Variants in ROBO1 observed in about 807,000 individuals in gnomAD.
The protein encoded by ROBO1 is roundabout homolog 1.
ROBO1 carries 149 observed loss-of-function variants against 195.9 expected under a neutral mutation model. The ratio of observed to expected loss-of-function variants is 0.76; its 90% CI spans 0.67 to 0.87. The LOEUF is 0.87. ROBO1 is among the 40% of genes least tolerant of loss of function. The pLI is 0.00. For missense variants in ROBO1, 1,933 were observed against 2,068.3 expected (o/e 0.93, Z 1.27); for synonymous variants, 816 against 733.2 (o/e 1.11, Z -1.82).
intron 2 of ROBO1, among the ~76,000 whole-genome samples, chr3:79,381,056 C>T (rs1230858447): frequency 1.3e-5 from 2 of 152,092 alleles, no homozygotes; most frequent in Non-Finnish European, 2.9e-5. Context: ...TGACTCTAGA[C>T]TTTGGTAAAA....
At chr3:78,882,771 A>G (rs1576339403) in intron 4 of ROBO1, among the ~76,000 whole-genome samples, 2 of 148,148 alleles carry the variant, frequency 1.3e-5, no homozygotes, top group Non-Finnish European at 3.0e-5. Context: ...AATATTTCTT[A>G]GCTCCTTTAC....
At chr3:79,708,053 A>G (rs1179061415) in intron 1 of ROBO1, among the ~76,000 whole-genome samples, 1 of 152,140 alleles carries the variant, frequency 6.6e-6, no homozygotes, top group Non-Finnish European at 1.5e-5. Flanking sequence ...AAGAGTTAAG[A>G]ATATGCCACC....
chr3:78,752,158 C>T (rs917348728), intron 4 of ROBO1, among the ~76,000 whole-genome samples: 1 of 145,732 alleles, frequency 6.9e-6, no homozygotes, highest in Non-Finnish European at 1.5e-5. Context: ...AAAATTATTA[C>T]TCACATACAT....
At chr3:79,361,217 T>A (rs940220249) in intron 2 of ROBO1, among the ~76,000 whole-genome samples, 1 of 152,044 alleles carries the variant, frequency 6.6e-6, no homozygotes, top group African/African-American at 2.4e-5. Flanking sequence ...TAAATCTTAA[T>A]GTGTGGGGTA....
chr3:78,839,412 T>C (rs2033008726), intron 4 of ROBO1, among the ~76,000 whole-genome samples: 1 of 149,540 alleles, frequency 6.7e-6, no homozygotes, highest in South Asian at 2.2e-4. Flanking sequence ...AATATTCTTT[T>C]TTTCATTACT....
intron 2 of ROBO1, among the ~76,000 whole-genome samples, chr3:79,555,380 T>C (rs1304627083): frequency 1.3e-5 from 2 of 152,104 alleles, no homozygotes; most frequent in Non-Finnish European, 2.9e-5. Context: ...AAGCATATGA[T>C]TAATTAGAAT....
At chr3:79,127,837 G>A (rs1213158254) in intron 2 of ROBO1, among the ~76,000 whole-genome samples, 2 of 152,076 alleles carry the variant, frequency 1.3e-5, no homozygotes, top group South Asian at 4.1e-4. Flanking sequence ...CACCTTTCTG[G>A]CCCCTTCTTA....
intron 2 of ROBO1, among the ~76,000 whole-genome samples, chr3:79,254,723 G>A (rs886148598): frequency 4.6e-5 from 7 of 152,034 alleles, no homozygotes; most frequent in South Asian, 2.1e-4. Context: ...ATGTAACCTC[G>A]GGAAGTCTCT....
intron 2 of ROBO1, among the ~76,000 whole-genome samples, chr3:79,215,170 TG>T (rs142883325): frequency 0.012 from 1,787 of 152,164 alleles, 36 homozygotes; most frequent in African/African-American, 0.039. Context: ...GAGTCTTTCT[TG>T]GAACAAGGAT....
Position 79,465,336 on chromosome 3 carries a change from T to G in ROBO1, c.88+124488A>C, listed in dbSNP as rs1001873386. ...AGAACTATCGCAAAAAAGATCCCCT[T>G]AAGCATTGTCATTTATCTCTTCCAA... On this transcript the variant is annotated intron_variant, in intron 2 of 30. Coordinates refer to ENST00000464233, the MANE Select transcript of ROBO1 (RefSeq NM_002941.4). 2.0e-5 allele frequency among the ~76,000 whole-genome samples: 3 copies of G among 152,152 alleles called. No homozygotes were observed. In the South Asian group the frequency reaches 6.2e-4, roughly 31 times the overall value.
At chr3:79,465,337 A>T (rs2107286825) in intron 2 of ROBO1, among the ~76,000 whole-genome samples, 1 of 152,246 alleles carries the variant, frequency 6.6e-6, no homozygotes, top group East Asian at 1.9e-4. Flanking sequence ...AGATCCCCTT[A>T]AGCATTGTCA....
chr3:78,625,175 T>TGGA (rs577415755), intron 26 of ROBO1, among the ~76,000 whole-genome samples: 46 of 152,290 alleles, frequency 3.0e-4, no homozygotes, highest in African/African-American at 1.1e-3. Context: ...GGGACAGGGA[T>TGGA]GGAGGGCCTG....
At chr3:78,896,246 G>C (rs2037219318) in intron 4 of ROBO1, among the ~76,000 whole-genome samples, 1 of 152,068 alleles carries the variant, frequency 6.6e-6, no homozygotes, top group Non-Finnish European at 1.5e-5. Flanking sequence ...CTTTGCCTTA[G>C]TTTGCTCAGC....
rs563508289 is a variant in ROBO1 at position 78,846,409 on chromosome 3, C to T, written c.499+92192G>A. On this transcript the variant is annotated intron_variant, in intron 4 of 30. Coordinates refer to ENST00000464233, the MANE Select transcript of ROBO1 (RefSeq NM_002941.4). Reference sequence around the variant, plus strand: ...AAAATGGATGCAAATCCTCCCCAAACCCCAAGTAAACCAAAGTCCACTCTT... The same window carrying T: ...AAAATGGATGCAAATCCTCCCCAAATCCCAAGTAAACCAAAGTCCACTCTT... 4.6e-5 allele frequency among the ~76,000 whole-genome samples: 7 copies of T among 152,186 alleles called. No individual in the cohort carries two copies. The South Asian group carries it at 1.5e-3, about 32-fold the overall frequency.
intron 1 of ROBO1, among the ~76,000 whole-genome samples, chr3:79,662,673 G>C (rs962710438): frequency 2.0e-5 from 3 of 152,056 alleles, no homozygotes; most frequent in Non-Finnish European, 2.9e-5. Context: ...CTTCTTGGCT[G>C]TCTTTTTCCC....
chr3:79,019,301 G>A (rs2078044183), intron 3 of ROBO1: 2 of 985,784 alleles, frequency 2.0e-6, no homozygotes, highest in Non-Finnish European at 2.4e-6. Flanking sequence ...CGTGGAAGCT[G>A]TAAAGAGGCA....
At chr3:78,893,165 G>C (rs2037007484) in intron 4 of ROBO1, among the ~76,000 whole-genome samples, 1 of 152,192 alleles carries the variant, frequency 6.6e-6, no homozygotes. Context: ...GCTGTGGTTT[G>C]AATGTGTCTT....
At chr3:78,763,978 G>A (rs545381739) in intron 4 of ROBO1, among the ~76,000 whole-genome samples, 47 of 152,270 alleles carry the variant, frequency 3.1e-4, no homozygotes, top group Admixed American at 8.5e-4. Context: ...CGTGTCAAAC[G>A]ATTTTATTTT....
chr3:78,717,266 G>T lies in ROBO1; in HGVS notation c.917+9C>A. The T allele has an allele frequency of 2.6e-6, 4 of 1,552,124 alleles. No homozygotes were observed. The highest frequency in any genetic ancestry group is 3.5e-6 in the Non-Finnish European group (4 of 1,154,616). ...TTGACAAATCATATCATGAAACTCTGATGTGTACCTGGATTTGGGCAGCTC... is the reference window on the plus strand; with the variant it reads ...TTGACAAATCATATCATGAAACTCTTATGTGTACCTGGATTTGGGCAGCTC... On this transcript the variant is annotated intron_variant, in intron 7 of 30. Transcript: ENST00000464233.
Sources: gnomAD v4.1 joint callset for allele counts (sites outside exome capture counted in the v4.1 genomes callset) on GRCh38, gnomAD v4.1.1 for gene constraint, MANE v1.5 for transcripts, NCBI Gene and HGNC (gene_info 2026-07-23, HGNC 2026-07-21) for gene names.